Variants in NLRP2 observed in about 807,000 individuals in gnomAD.
NLRP2 encodes the protein NLR family pyrin domain containing 2, also known as NACHT, LRR and PYD domains-containing protein 2.
In NLRP2, 107 loss-of-function variants were observed where a neutral mutation model predicts 97.2. That is an observed-to-expected ratio of 1.10 (90% confidence interval 0.94 to 1.29). The LOEUF (loss-of-function observed/expected upper bound fraction) is 1.29, where lower values mean the gene tolerates loss of function less well. NLRP2 is among the 50% of genes most tolerant of loss of function. The pLI, the probability that NLRP2 is intolerant of heterozygous loss-of-function variation, is 0.00. For synonymous variants in NLRP2, 663 were observed against 551.5 expected, an observed-to-expected ratio of 1.20 and a Z score of -2.83; for missense variants, 1,495 against 1,330.3, an observed-to-expected ratio of 1.12 and a Z score of -1.93.
chr19:54,988,534 C>T (rs114016243), intron 8 of NLRP2, among the ~76,000 whole-genome samples: 2,241 of 152,120 alleles, frequency 0.015, 60 homozygotes, highest in African/African-American at 0.05. Context: ...CTCCTGACCT[C>T]GGGCAATCCA....
chr19:54,973,390 T>C (rs1039783791), intron 2 of NLRP2, among the ~76,000 whole-genome samples: 7 of 146,566 alleles, frequency 4.8e-5, no homozygotes, highest in Non-Finnish European at 1.0e-4. Flanking sequence ...TGGTTTTGCT[T>C]TTGAGTCGAA....
intron 2 of NLRP2, 70 bp downstream of exon 2, chr19:54,970,365 A>G: frequency 6.3e-7 from 1 of 1,586,936 alleles, no homozygotes; most frequent in Admixed American, 1.7e-5. Flanking sequence ...TTAGAAATTC[A>G]GAAGGCCAGG....
chr19:54,968,443 GCCT>G (rs1010881818), intron 1 of NLRP2, among the ~76,000 whole-genome samples: 2 of 151,412 alleles, frequency 1.3e-5, no homozygotes, highest in Admixed American at 1.3e-4. Flanking sequence ...TCCCACCTCA[GCCT>G]CCTCAGTAGC....
chr19:54,990,258 A>C (rs774814944), intron 9 of NLRP2, 66 bp downstream of exon 9: 4 of 1,531,730 alleles, frequency 2.6e-6, no homozygotes, highest in Admixed American at 3.3e-5. Context: ...AGCAATGGTC[A>C]TGCCTGACTT....
At chr19:54,991,555 A>C (rs1003007105) in intron 10 of NLRP2, 3 of 151,452 alleles carry the variant, frequency 2.0e-5, no homozygotes, top group Non-Finnish European at 4.4e-5. Flanking sequence ...TCTCTCAAAA[A>C]AAAAAAATTA....
intron 6 of NLRP2, among the ~76,000 whole-genome samples, chr19:54,984,618 G>C (rs2071926610): frequency 6.7e-6 from 1 of 150,234 alleles, no homozygotes; most frequent in Non-Finnish European, 1.5e-5. Context: ...GAGTAGCTGG[G>C]ATTACAGCCA....
In NLRP2 at chr19:55,000,882, A is replaced by G; in HGVS notation, c.3173A>G (p.His1058Arg). ...CCCTGGGCAGAAAGGCCTTCTTCTCATGACTTCATGATCTGAATCCCCCCG... is the reference window on the plus strand; with the variant it reads ...CCCTGGGCAGAAAGGCCTTCTTCTCGTGACTTCATGATCTGAATCCCCCCG... ...HHPWAERPSS[H>R]DFMI Residue 1058 changes from histidine to arginine, a missense_variant, in exon 13 of 13, where the codon CAT becomes CGT. Transcript: ENST00000448584. 1 of 1,613,786 alleles carries G rather than the reference A, an allele frequency of 6.2e-7. No individual in the cohort carries two copies. Among genetic ancestry groups the G allele is most frequent in the Non-Finnish European group, 8.5e-7 (1 of 1,179,754 alleles).
rs975032876 is a variant in NLRP2, at chr19:54,990,346, C to A, written c.2537+154C>A. ...AGGCCGATGGCCTGTGAATTTTGTT[C>A]TTCTCTCATTCCTATTCCTTCATAG... On this transcript the variant is annotated intron_variant, in intron 9 of 12. Transcript: ENST00000448584. 1.5e-5 allele frequency: 17 copies of A among 1,129,176 alleles called. No individual in the cohort carries two copies. In the Admixed American group the frequency reaches 1.7e-4, roughly 11 times the overall value. The allele number at this position is 1,129,176 out of a possible 1,614,324, so 69.9% of individuals were successfully genotyped here. A position where few individuals can be genotyped will look rare whatever the true frequency, so the allele number is the denominator to read the frequency against.
chr19:54,990,910 T>C, intron 10 of NLRP2: 4 of 579,648 alleles, frequency 6.9e-6, no homozygotes, highest in Non-Finnish European at 1.2e-5. Context: ...GTTTTTTTTT[T>C]CCTCTTTATG....
chr19:54,990,948 C>T (rs901481082), intron 10 of NLRP2: 8 of 484,744 alleles, frequency 1.7e-5, no homozygotes, highest in South Asian at 6.5e-5. Flanking sequence ...GATGGGATCT[C>T]GCCGTGTTGC....
At chr19:54,994,204 A>T in intron 10 of NLRP2, 65 bp from the exon 11 acceptor site, 2 of 1,535,014 alleles carry the variant, frequency 1.3e-6, no homozygotes, top group Non-Finnish European at 1.8e-6. Flanking sequence ...CAAGAGTCAA[A>T]GGTGCATCAC....
intron 6 of NLRP2, among the ~76,000 whole-genome samples, chr19:54,984,434 G>A (rs902674830): frequency 3.1e-5 from 4 of 130,948 alleles, no homozygotes; most frequent in Non-Finnish European, 6.2e-5. Context: ...GTTACCACAC[G>A]CCCTGCCTGA....
At chr19:54,978,009 C>T (rs146103770) in intron 4 of NLRP2, among the ~76,000 whole-genome samples, 186 bp downstream of exon 4, 5 of 152,232 alleles carry the variant, frequency 3.3e-5, no homozygotes, top group Non-Finnish European at 7.4e-5. Flanking sequence ...ACGAACGTTG[C>T]AGAGAATTAG....
At chr19:54,997,235 A>G in intron 11 of NLRP2, 82 bp from the exon 12 acceptor site, 1 of 1,424,554 alleles carries the variant, frequency 7.0e-7, no homozygotes, top group Admixed American at 1.7e-5. Context: ...CAGATCCCCA[A>G]CACACGAGGG....
At position 54,983,671 on chromosome 19, in the gene NLRP2, T is replaced by C. The variant is rs1568503173; in HGVS notation, c.1973T>C (p.Ile658Thr). The change falls in exon 6 of 13, where the codon ATA becomes ACA. Residue 658 changes from isoleucine (I) to threonine (T), a missense_variant. Coordinates refer to ENST00000448584, the MANE Select transcript of NLRP2 (RefSeq NM_017852.5). ...CTGCAGAAAATGTCACTGCAGGTAA[T>C]AAAGGAGAATCTCCCGGAGAATGTC... ...RNLQKMSLQV[I>T]KENLPENVTA... The C allele has an allele frequency of 6.2e-7, 1 of 1,613,960 alleles. No homozygotes were observed.
intron 2 of NLRP2, among the ~76,000 whole-genome samples, chr19:54,971,699 C>T (rs1267397352): frequency 1.3e-5 from 2 of 152,050 alleles, no homozygotes; most frequent in African/African-American, 4.8e-5. Flanking sequence ...TTATTTTCTA[C>T]CTATTTCTAT....
intron 1 of NLRP2, among the ~76,000 whole-genome samples, chr19:54,966,849 T>TG (rs199950016): frequency 7.8e-6 from 1 of 128,774 alleles, no homozygotes; most frequent in Non-Finnish European, 1.7e-5. Flanking sequence ...TTTTTTTTTT[T>TG]TTCTTCTCTT....
intron 3 of NLRP2, among the ~76,000 whole-genome samples, chr19:54,976,121 T>C (rs2071216327): frequency 1.3e-5 from 2 of 151,716 alleles, no homozygotes; most frequent in African/African-American, 4.8e-5. Flanking sequence ...TGATCTCAGC[T>C]CACTGCAACC....
Position 54,977,782 on chromosome 19 carries a change from A to T in NLRP2, c.356A>T (p.Asp119Val). ...ACACGGAAAGAACGACCACCTCTAG[A>T]CGTGGACGAAATGCTGGAGCGCTTC... ...GITRKERPPL[D>V]VDEMLERFKT... The change falls in exon 4 of 13, where the codon GAC (aspartate) becomes GTC (valine). Residue 119 changes from aspartate (D) to valine (V), a missense_variant. Transcript: ENST00000448584. 1 of 1,613,824 alleles carries T rather than the reference A, an allele frequency of 6.2e-7. No individual in the cohort carries two copies. The highest frequency in any genetic ancestry group is 8.5e-7 in the Non-Finnish European group (1 of 1,180,010).
Sources: gnomAD v4.1 joint callset for allele counts (sites outside exome capture counted in the v4.1 genomes callset) on GRCh38, gnomAD v4.1.1 for gene constraint, MANE v1.5 for transcripts, NCBI Gene and HGNC (gene_info 2026-07-23, HGNC 2026-07-21) for gene names.